The following C8orf74 variants were observed in gnomAD, a reference collection of about 807,000 sequenced individuals.
The protein encoded by C8orf74 is uncharacterized protein C8orf74.
A neutral mutation model predicts 22.2 loss-of-function variants in C8orf74; 29 were observed. The observed-to-expected ratio is 1.31, with a 90% CI of 0.97 to 1.78. The LOEUF (loss-of-function observed/expected upper bound fraction) is 1.78, where lower values mean the gene tolerates loss of function less well. Among genes scored for constraint, C8orf74 ranks in the 40% most tolerant of loss-of-function variants. C8orf74 has a pLI of 0.00. For synonymous variants in C8orf74, 255 were observed against 163.1 expected, an observed-to-expected ratio of 1.56 and a Z score of -4.30; for missense variants, 515 against 369.9, an observed-to-expected ratio of 1.39 and a Z score of -3.22.
chr8:10,672,803 AC>A, intron 1 of C8orf74, 90 bp downstream of exon 1: 1 of 1,211,718 alleles, frequency 8.3e-7, no homozygotes, highest in South Asian at 1.3e-5. Flanking sequence ...TCTTCAGGAG[AC>A]CCCGGGGCAG....
chr8:10,687,583 T>G (rs983538286), intron 2 of C8orf74, among the ~76,000 whole-genome samples: 3 of 121,784 alleles, frequency 2.5e-5, no homozygotes, highest in African/African-American at 1.0e-4. Context: ...TCCACTGCAA[T>G]CCAGCCTGGG....
chr8:10,673,517 T>C (rs949201646), intron 1 of C8orf74: 4 of 152,470 alleles, frequency 2.6e-5, no homozygotes, highest in African/African-American at 9.7e-5. Flanking sequence ...ATAAATTTCA[T>C]TGTCAGATCA....
At chr8:10,674,249 C>G (rs565879800) in intron 1 of C8orf74, among the ~76,000 whole-genome samples, 1 of 142,596 alleles carries the variant, frequency 7.0e-6, no homozygotes, top group African/African-American at 2.6e-5. Context: ...CCCCACAACC[C>G]TCATATCATA....
Position 10,700,504 on chromosome 8 carries a change from G to C in C8orf74, c.*33G>C, listed in dbSNP as rs1347436725. 7 of 1,391,212 alleles carry C rather than the reference G, an allele frequency of 5.0e-6. No individual in the cohort carries two copies. The highest frequency in any genetic ancestry group is 1.4e-5 in the South Asian group (1 of 71,942). 86.2% of individuals were successfully genotyped at this position (1,391,212 alleles called of 1,614,324 possible). A position where few individuals can be genotyped will look rare whatever the true frequency, so the allele number is the denominator to read the frequency against. ...CGACTGCCACACGAGACTGACTGGG[G>C]ACCAGCCACCCATAACCATGAGCCT... On this transcript the variant is annotated 3_prime_UTR_variant, in exon 4 of 4. Coordinates refer to ENST00000304519, the MANE Select transcript of C8orf74 (RefSeq NM_001040032.2).
chr8:10,693,308 C>T (rs1000705456), intron 2 of C8orf74, among the ~76,000 whole-genome samples: 2 of 152,208 alleles, frequency 1.3e-5, no homozygotes, highest in Non-Finnish European at 2.9e-5. Context: ...TACATCCCAG[C>T]TCCTTTACTG....
intron 1 of C8orf74, chr8:10,673,590 G>C (rs1798961992): frequency 6.5e-6 from 1 of 153,736 alleles, no homozygotes; most frequent in Non-Finnish European, 1.5e-5. Context: ...TTAGGCAGGG[G>C]GATAGGGATC....
intron 2 of C8orf74, chr8:10,691,428 C>T (rs765326388): frequency 3.1e-5 from 5 of 160,372 alleles, no homozygotes; most frequent in Non-Finnish European, 6.9e-5. Flanking sequence ...GAGGCAGACA[C>T]AGCCACCCAC....
At chr8:10,688,301 T>C (rs1381095565) in intron 2 of C8orf74, 1 of 152,056 alleles carries the variant, frequency 6.6e-6, no homozygotes, top group Non-Finnish European at 1.5e-5. Context: ...TACTGACTTC[T>C]AACATCATAG....
chr8:10,697,546 G>C, intron 2 of C8orf74, 53 bp from the exon 3 acceptor site: 5 of 1,542,538 alleles, frequency 3.2e-6, no homozygotes, highest in Non-Finnish European at 4.4e-6. Context: ...TCCACTGCCT[G>C]GCAGGGCAGC....
Position 10,680,826 on chromosome 8 carries a change from C to T in C8orf74, c.241+5988C>T, listed in dbSNP as rs189985362. 7.9e-5 allele frequency among the ~76,000 whole-genome samples: 12 copies of T among 152,346 alleles called. No homozygotes were observed. The East Asian group carries it at 2.3e-3, about 29-fold the overall frequency. On this transcript the variant is annotated intron_variant, in intron 2 of 3. Transcript: ENST00000304519. ...TAGCTGGCAAGTCAGGTCCCTGGCA[C>T]ATTCCAGCTCTTTTCCACCTTGCAT...
intron 2 of C8orf74, among the ~76,000 whole-genome samples, chr8:10,680,961 T>C (rs1799136612): frequency 6.6e-6 from 1 of 151,938 alleles, no homozygotes; most frequent in Non-Finnish European, 1.5e-5. Context: ...ACACTGGGCT[T>C]TCAGTCATCT....
chr8:10,676,287 C>T (rs1268988798), intron 2 of C8orf74, among the ~76,000 whole-genome samples: 1 of 152,134 alleles, frequency 6.6e-6, no homozygotes, highest in Non-Finnish European at 1.5e-5. Context: ...CTGTGTCTCT[C>T]ACACACAAGG....
chr8:10,693,792 C>T (rs573645326), intron 2 of C8orf74, among the ~76,000 whole-genome samples: 10 of 152,344 alleles, frequency 6.6e-5, no homozygotes, highest in Admixed American at 2.0e-4. Context: ...CGTCCGAGGA[C>T]GGCCAGGTCC....
chr8:10,682,421 A>T (rs956366242), intron 2 of C8orf74, among the ~76,000 whole-genome samples: 3 of 152,178 alleles, frequency 2.0e-5, no homozygotes, highest in Non-Finnish European at 4.4e-5. Context: ...TGGAGGCTGG[A>T]AGCCCAAGGT....
At chr8:10,692,752 C>T (rs1181924665) in intron 2 of C8orf74, 1 of 152,200 alleles carries the variant, frequency 6.6e-6, no homozygotes, top group Admixed American at 6.5e-5. Flanking sequence ...GATACCCCTG[C>T]CATGGCCTCT....
At chr8:10,698,671 A>G (rs1376558772) in intron 3 of C8orf74, among the ~76,000 whole-genome samples, 1 of 152,136 alleles carries the variant, frequency 6.6e-6, no homozygotes, top group Non-Finnish European at 1.5e-5. Context: ...GGCCAAGCCT[A>G]CATTAGTTTC....
chr8:10,673,058 G>A (rs1798950780), intron 1 of C8orf74, among the ~76,000 whole-genome samples: 1 of 152,126 alleles, frequency 6.6e-6, no homozygotes, highest in African/African-American at 2.4e-5. Context: ...TTTCTAGGGG[G>A]TGCTGTCTAG....
chr8:10,695,962 A>G (rs10111051), intron 2 of C8orf74, among the ~76,000 whole-genome samples: 25,114 of 152,146 alleles, frequency 0.17, 5,984 homozygotes, highest in African/African-American at 0.53. Context: ...ACTGAGTCAC[A>G]GAGCAGAAGA....
At chr8:10,696,736 T>C (rs1799509687) in intron 2 of C8orf74, among the ~76,000 whole-genome samples, 1 of 152,052 alleles carries the variant, frequency 6.6e-6, no homozygotes, top group South Asian at 2.1e-4. Context: ...GTGTGAGCCA[T>C]CACGCCCCAC....
Sources: allele counts gnomAD v4.1 joint callset (sites outside exome capture counted in the v4.1 genomes callset), GRCh38; gene constraint gnomAD v4.1.1; transcripts MANE v1.5; gene names NCBI Gene and HGNC (gene_info 2026-07-23, HGNC 2026-07-21).